UBFD1: variants seen among roughly 807,000 people sequenced by gnomAD.
UBFD1 encodes the protein ubiquitin domain-containing protein UBFD1.
A neutral mutation model predicts 35.1 loss-of-function variants in UBFD1; 12 were observed. The ratio of observed to expected loss-of-function variants is 0.34; its 90% CI spans 0.22 to 0.55. The LOEUF (loss-of-function observed/expected upper bound fraction) is 0.55, where lower values mean the gene tolerates loss of function less well. Among genes scored for constraint, UBFD1 ranks in the 20% least tolerant of loss-of-function variants. The pLI is 0.89. For synonymous variants in UBFD1, 178 were observed against 167.6 expected (o/e 1.06, Z -0.48); for missense variants, 337 against 410.8 (o/e 0.82, Z 1.55).
chr16:23,572,175 A>G lies in UBFD1; in HGVS notation c.*1585A>G, dbSNP rs1966094266. On this transcript the variant is annotated 3_prime_UTR_variant, in exon 7 of 7. Transcript: ENST00000395878. Reference sequence around the variant, plus strand: ...CCACATAGACAGACTCTTGCTTTCCATGGTGTAGTCAATGCCAAGTGATGC... The same window carrying G: ...CCACATAGACAGACTCTTGCTTTCCGTGGTGTAGTCAATGCCAAGTGATGC... 2.0e-5 allele frequency: 3 copies of G among 152,608 alleles called. No homozygotes were observed. The highest frequency in any genetic ancestry group is 7.2e-5 in the African/African-American group (3 of 41,454). The allele number at this position is 152,608 out of a possible 1,614,324, so 9.5% of individuals were successfully genotyped here.
At chr16:23,563,133 G>T (rs951961101) in intron 5 of UBFD1, among the ~76,000 whole-genome samples, 1 of 151,668 alleles carries the variant, frequency 6.6e-6, no homozygotes, top group Non-Finnish European at 1.5e-5. Context: ...GCCCTTTGGG[G>T]CCTGCATTCT....
chr16:23,558,305 G>A (rs778444046), intron 2 of UBFD1, 26 bp downstream of exon 2: 1 of 1,592,844 alleles, frequency 6.3e-7, no homozygotes, highest in Admixed American at 1.7e-5. Context: ...CTGACAGCCA[G>A]TCTTCCCCAC....
Position 23,570,857 on chromosome 16 carries a change from C to T in UBFD1, c.*267C>T, listed in dbSNP as rs933587581. Reference sequence around the variant, plus strand: ...GATGGAAATCAATAAATCTGAATTCCGAACATGTTGTGTGGAATACTCTTA... The same window carrying T: ...GATGGAAATCAATAAATCTGAATTCTGAACATGTTGTGTGGAATACTCTTA... On this transcript the variant is annotated 3_prime_UTR_variant, in exon 7 of 7. Coordinates refer to ENST00000395878, the MANE Select transcript of UBFD1 (RefSeq NM_019116.3). 11 of 276,350 alleles carry T rather than the reference C, an allele frequency of 4.0e-5. No individual in the cohort carries two copies. The highest frequency in any genetic ancestry group is 1.1e-3 in the Middle Eastern group (1 of 904). 17.1% of individuals were successfully genotyped at this position (276,350 alleles called of 1,614,324 possible).
chr16:23,558,053 G>A lies in UBFD1; in HGVS notation c.129G>A (p.Ala43=). 7 of 1,339,428 alleles carry A rather than the reference G, an allele frequency of 5.2e-6. No individual in the cohort carries two copies. The highest frequency in any genetic ancestry group is 6.7e-6 in the Non-Finnish European group (7 of 1,048,544). 83.0% of individuals were successfully genotyped at this position (1,339,428 alleles called of 1,614,324 possible). The change falls in exon 2 of 7, where the codon GCG becomes GCA. Residue 43 remains alanine (A), a synonymous_variant. Transcript: ENST00000395878. Reference sequence around the variant, plus strand: ...AGGCTGAAGCCGCGGCGGGGGCGGCGGCCGAGGACTCCGGCGCCGCACGAG... The same window carrying A: ...AGGCTGAAGCCGCGGCGGGGGCGGCAGCCGAGGACTCCGGCGCCGCACGAG... ...CLEAEAAAGA[A]AEDSGAARGS...
chr16:23,557,780 G>A lies in UBFD1; in HGVS notation c.25+13G>A, dbSNP rs375521284. The A allele has an allele frequency of 1.4e-5, 18 of 1,283,284 alleles. No individual in the cohort carries two copies. Among genetic ancestry groups the A allele is most frequent in the Admixed American group, 4.1e-5 (1 of 24,294 alleles). 79.5% of individuals were successfully genotyped at this position (1,283,284 alleles called of 1,614,324 possible). On this transcript the variant is annotated intron_variant, in intron 1 of 6. Coordinates refer to ENST00000395878, the MANE Select transcript of UBFD1 (RefSeq NM_019116.3). ...GGGGCCCCGGATGGTGAGTGCGGCGGGGGTGGCGGGCGCCGGGCCGGGGCT... is the reference window on the plus strand; with the variant it reads ...GGGGCCCCGGATGGTGAGTGCGGCGAGGGTGGCGGGCGCCGGGCCGGGGCT...
rs185397567 is a variant in UBFD1 at position 23,559,952 on chromosome 16, G to A, written c.564+276G>A. On this transcript the variant is annotated intron_variant, in intron 3 of 6. Transcript: ENST00000395878. ...GACCATGTGTTGAAAGGAATCAGACGTGGGTTTCTCTCTCTTATTTAGTGC... is the reference window on the plus strand; with the variant it reads ...GACCATGTGTTGAAAGGAATCAGACATGGGTTTCTCTCTCTTATTTAGTGC... 460 of 1,347,650 alleles carry A rather than the reference G, an allele frequency of 3.4e-4. No individual in the cohort carries two copies. In the African/African-American group the frequency reaches 6.1e-3, roughly 18 times the overall value. The allele number at this position is 1,347,650 out of a possible 1,614,324, so 83.5% of individuals were successfully genotyped here. A position where few individuals can be genotyped will look rare whatever the true frequency, so the allele number is the denominator to read the frequency against.
At chr16:23,560,821 A>G (rs1965921780) in intron 3 of UBFD1, among the ~76,000 whole-genome samples, 2 of 152,184 alleles carry the variant, frequency 1.3e-5, no homozygotes, top group Non-Finnish European at 2.9e-5. Flanking sequence ...AAAGGTGTTG[A>G]TTTGGAGACT....
Position 23,558,055 on chromosome 16 carries a change from C to T in UBFD1, c.131C>T (p.Ala44Val), listed in dbSNP as rs775768886. The change falls in exon 2 of 7, where the codon GCC becomes GTC. Residue 44 changes from alanine (A) to valine (V), a missense_variant. Transcript: ENST00000395878. Reference sequence around the variant, plus strand: ...GCTGAAGCCGCGGCGGGGGCGGCGGCCGAGGACTCCGGCGCCGCACGAGGC... The same window carrying T: ...GCTGAAGCCGCGGCGGGGGCGGCGGTCGAGGACTCCGGCGCCGCACGAGGC... ...LEAEAAAGAA[A>V]EDSGAARGSL... is the part of the protein sequence containing the mutation. 1.9e-5 allele frequency: 26 copies of T among 1,350,738 alleles called. No homozygotes were observed. In the African/African-American group the frequency reaches 2.6e-4, roughly 14 times the overall value. 83.7% of individuals were successfully genotyped at this position (1,350,738 alleles called of 1,614,324 possible). A position where few individuals can be genotyped will look rare whatever the true frequency, so the allele number is the denominator to read the frequency against.
intron 2 of UBFD1, among the ~76,000 whole-genome samples, chr16:23,558,504 C>T (rs1185259756): frequency 6.6e-6 from 1 of 152,150 alleles, no homozygotes; most frequent in Non-Finnish European, 1.5e-5. Context: ...GACGTTTAGG[C>T]CCCAGTTTCT....
Position 23,566,912 on chromosome 16 carries a change from A to T in UBFD1, c.737-75A>T, listed in dbSNP as rs1276694491. On this transcript the variant is annotated intron_variant, in intron 5 of 6. Transcript: ENST00000395878. ...GTAGATCCCGCAGCCACCAGCCCTGATGAGGGACTGCTGAGTCAGAGAAGT... is the reference window on the plus strand; with the variant it reads ...GTAGATCCCGCAGCCACCAGCCCTGTTGAGGGACTGCTGAGTCAGAGAAGT... The T allele has an allele frequency of 2.1e-6, 3 of 1,441,220 alleles. No individual in the cohort carries two copies. The East Asian group carries it at 6.8e-5, about 33-fold the overall frequency. 89.3% of individuals were successfully genotyped at this position (1,441,220 alleles called of 1,614,324 possible).
At chr16:23,565,148 G>C (rs1965992567) in intron 5 of UBFD1, 1 of 152,248 alleles carries the variant, frequency 6.6e-6, no homozygotes. Flanking sequence ...GGAGTTGGCT[G>C]CTAGCCACTG....
chr16:23,564,045 G>T (rs1042983161), intron 5 of UBFD1: 1 of 152,154 alleles, frequency 6.6e-6, no homozygotes, highest in African/African-American at 2.4e-5. Context: ...TTAGATTCCT[G>T]GAGGGAACCG....
chr16:23,562,527 C>T, intron 4 of UBFD1, 98 bp from the exon 5 acceptor site: 1 of 1,145,988 alleles, frequency 8.7e-7, no homozygotes, highest in Non-Finnish European at 1.3e-6. Flanking sequence ...TTTGGCCTCC[C>T]AGTGTGCTGG....
chr16:23,561,925 A>G (rs1965940828), intron 3 of UBFD1: 1 of 329,388 alleles, frequency 3.0e-6, no homozygotes, highest in East Asian at 4.8e-5. Context: ...GGCTGGTTAA[A>G]ATGAAATTAA....
At chr16:23,568,410 A>C (rs1027562209) in intron 6 of UBFD1, among the ~76,000 whole-genome samples, 1 of 150,818 alleles carries the variant, frequency 6.6e-6, no homozygotes, top group African/African-American at 2.4e-5. Flanking sequence ...CGCCCACCTC[A>C]GCCTCCCAAA....
intron 6 of UBFD1, among the ~76,000 whole-genome samples, chr16:23,567,535 C>T (rs572851303): frequency 3.8e-4 from 58 of 152,304 alleles, no homozygotes; most frequent in African/African-American, 1.4e-3. Flanking sequence ...CTGAGGGCCT[C>T]GTGGGGAAGA....
At chr16:23,564,393 T>C (rs1704319980) in intron 5 of UBFD1, 1 of 152,264 alleles carries the variant, frequency 6.6e-6, no homozygotes, top group Non-Finnish European at 1.5e-5. Context: ...CATTCAACTC[T>C]AACTGCATGG....
intron 6 of UBFD1, 76 bp from the exon 7 acceptor site, chr16:23,570,404 C>A: frequency 9.6e-7 from 1 of 1,041,336 alleles, no homozygotes; most frequent in Non-Finnish European, 1.5e-6. Flanking sequence ...ACATCCCAAC[C>A]CTCACCCATG....
At chr16:23,566,529 T>C (rs2142219088) in intron 5 of UBFD1, 1 of 153,402 alleles carries the variant, frequency 6.5e-6, no homozygotes, top group East Asian at 1.9e-4. Flanking sequence ...CCTGGCTAAT[T>C]TTTTGTATTT....
Sources: allele counts gnomAD v4.1 joint callset (sites outside exome capture counted in the v4.1 genomes callset), GRCh38; gene constraint gnomAD v4.1.1; transcripts MANE v1.5; gene names NCBI Gene and HGNC (gene_info 2026-07-23, HGNC 2026-07-21).